MAP2: variants seen among roughly 807,000 people sequenced by gnomAD.
The protein encoded by MAP2 is microtubule-associated protein 2.
MAP2 carries 14 observed loss-of-function variants against 137.6 expected under a neutral mutation model. That is an observed-to-expected ratio of 0.10 (90% CI 0.07 to 0.16). The LOEUF is 0.16. MAP2 is among the 10% of genes least tolerant of loss of function. The pLI, the probability that MAP2 is intolerant of heterozygous loss-of-function variation, is 1.00. For missense variants in MAP2, 2,088 were observed against 2,191.5 expected (o/e 0.95, Z 0.94); for synonymous variants, 786 against 782.3 (o/e 1.00, Z -0.08).
chr2:209,489,787 A>T (rs189449074), intron 1 of MAP2, among the ~76,000 whole-genome samples: 1 of 152,326 alleles, frequency 6.6e-6, no homozygotes. Context: ...GAAATATGGG[A>T]CCATGTGAAA....
chr2:209,604,546 C>T (rs2084022575), intron 3 of MAP2, among the ~76,000 whole-genome samples: 1 of 152,076 alleles, frequency 6.6e-6, no homozygotes, highest in African/African-American at 2.4e-5. Context: ...TTAAATGTAA[C>T]CACCTTGCTT....
Position 209,680,790 on chromosome 2 carries a change from A to C in MAP2, c.417A>C (p.Pro139=). The C allele has an allele frequency of 6.2e-7, 1 of 1,613,586 alleles. No homozygotes were observed. Among genetic ancestry groups the C allele is most frequent in the Non-Finnish European group, 8.5e-7 (1 of 1,179,662 alleles). ...CTAATCTGCCTCCTTCTCCACCCCC[A>C]TCACCTGCCTCAGAACAGACTGTCA... ...ETANLPPSPP[P]SPASEQTVTV... is the part of the protein sequence containing the mutation. The change falls in exon 7 of 16, where the codon CCA becomes CCC. Residue 139 remains proline, a synonymous_variant. Transcript: ENST00000682079.
chr2:209,690,376 T>G (rs904535429), intron 7 of MAP2, among the ~76,000 whole-genome samples: 7 of 152,182 alleles, frequency 4.6e-5, no homozygotes, highest in Non-Finnish European at 8.8e-5. Context: ...TTAATGAGAC[T>G]TTAAAAGTCA....
At chr2:209,678,774 C>A in intron 6 of MAP2, 89 bp downstream of exon 6, 1 of 629,592 alleles carries the variant, frequency 1.6e-6, no homozygotes, top group Non-Finnish European at 2.6e-6. Context: ...TAGGCCATAT[C>A]TTGTACTTCA....
At chr2:209,689,042 A>G (rs1258377492) in intron 7 of MAP2, among the ~76,000 whole-genome samples, 1 of 152,196 alleles carries the variant, frequency 6.6e-6, no homozygotes, top group Non-Finnish European at 1.5e-5. Flanking sequence ...GATTTATACT[A>G]AATGAGAAAA....
chr2:209,455,338 T>A (rs1701292002), intron 1 of MAP2, among the ~76,000 whole-genome samples: 1 of 152,250 alleles, frequency 6.6e-6, no homozygotes, highest in Non-Finnish European at 1.5e-5. Flanking sequence ...ATTTTATTTT[T>A]TGATCTTATT....
chr2:209,638,876 T>A (rs1245178797), intron 4 of MAP2, among the ~76,000 whole-genome samples: 1 of 152,174 alleles, frequency 6.6e-6, no homozygotes, highest in Non-Finnish European at 1.5e-5. Context: ...ATAAACCTGG[T>A]ATTCAATCAA....
intron 4 of MAP2, among the ~76,000 whole-genome samples, chr2:209,631,603 A>G (rs902186956): frequency 2.4e-4 from 36 of 151,936 alleles, no homozygotes; most frequent in East Asian, 1.9e-4. Flanking sequence ...ACAAGGAAAC[A>G]TTTTTCTTAA....
In MAP2 at chr2:209,692,999, G is replaced by C; in HGVS notation, c.829G>C (p.Glu277Gln). The change falls in exon 8 of 16, where the codon GAG becomes CAG. Residue 277 changes from glutamate (E) to glutamine (Q), a missense_variant. Transcript: ENST00000682079. Reference protein sequence around the residue: ...IEMPTEAKKDEWGLVAPISPG... With the variant: ...IEMPTEAKKDQWGLVAPISPG... ...AATGCCAACGGAAGCAAAAAAGGATGAGTGGGGTTTAGTTGCCCCCATATC... is the reference window on the plus strand; with the variant it reads ...AATGCCAACGGAAGCAAAAAAGGATCAGTGGGGTTTAGTTGCCCCCATATC... 1 of 1,613,540 alleles carries C rather than the reference G, an allele frequency of 6.2e-7. No homozygotes were observed. Among genetic ancestry groups the C allele is most frequent in the East Asian group, 2.2e-5 (1 of 44,870 alleles).
chr2:209,705,042 C>T (rs895011457), intron 11 of MAP2, among the ~76,000 whole-genome samples: 4 of 151,980 alleles, frequency 2.6e-5, no homozygotes, highest in African/African-American at 9.6e-5. Flanking sequence ...CTGACACCTA[C>T]CAACTCAATT....
At chr2:209,515,080 C>A (rs2062279939) in intron 2 of MAP2, among the ~76,000 whole-genome samples, 1 of 152,084 alleles carries the variant, frequency 6.6e-6, no homozygotes, top group Non-Finnish European at 1.5e-5. Flanking sequence ...AGGTTTCATT[C>A]CATATTATTC....
At chr2:209,483,496 A>G (rs2057983959) in intron 1 of MAP2, among the ~76,000 whole-genome samples, 1 of 152,160 alleles carries the variant, frequency 6.6e-6, no homozygotes, top group Non-Finnish European at 1.5e-5. Flanking sequence ...ATCCTTTGAG[A>G]CTACTAGTTT....
intron 2 of MAP2, among the ~76,000 whole-genome samples, chr2:209,528,510 T>G: frequency 6.6e-6 from 1 of 152,132 alleles, no homozygotes. Context: ...CTGTCATTTA[T>G]GGGAAAATAT....
intron 4 of MAP2, among the ~76,000 whole-genome samples, chr2:209,648,185 T>A (rs1311890233): frequency 6.6e-6 from 1 of 151,088 alleles, no homozygotes; most frequent in Admixed American, 6.6e-5. Flanking sequence ...CACTGCAACC[T>A]CCGCCTCCCA....
Position 209,695,597 on chromosome 2 carries a change from G to A in MAP2, c.3427G>A (p.Glu1143Lys). 6.2e-7 allele frequency: 1 copy of A among 1,614,002 alleles called. No individual in the cohort carries two copies. Among genetic ancestry groups the A allele is most frequent in the Non-Finnish European group, 8.5e-7 (1 of 1,179,942 alleles). Residue 1143 changes from glutamate (E) to lysine (K), a missense_variant, in exon 8 of 16, where the codon GAG becomes AAG. Coordinates refer to ENST00000682079, the MANE Select transcript of MAP2 (RefSeq NM_001375505.1). Reference protein sequence around the residue: ...SSGEHESLTMESLKADEGKKE... With the variant: ...SSGEHESLTMKSLKADEGKKE... ...TGGTGAGCATGAAAGTCTCACCATG[G>A]AGTCCTTGAAAGCTGATGAGGGCAA...
chr2:209,572,908 G>T (rs1028342537), intron 2 of MAP2, among the ~76,000 whole-genome samples: 7 of 152,118 alleles, frequency 4.6e-5, no homozygotes, highest in Non-Finnish European at 1.0e-4. Context: ...CTGACCAGTT[G>T]TTCTTTATCA....
At chr2:209,491,344 G>C (rs964330458) in intron 1 of MAP2, among the ~76,000 whole-genome samples, 26 of 152,138 alleles carry the variant, frequency 1.7e-4, no homozygotes, top group African/African-American at 6.0e-4. Flanking sequence ...GGACAAAGTG[G>C]GAAAGATCTA....
chr2:209,725,885 A>G (rs1276477493), intron 14 of MAP2, 95 bp downstream of exon 14: 4 of 669,504 alleles, frequency 6.0e-6, no homozygotes, highest in Non-Finnish European at 9.6e-6. Flanking sequence ...CCTAATTGGA[A>G]GGATGTTTTA....
Position 209,660,826 on chromosome 2 carries a change from C to T in MAP2, c.262+7394C>T, listed in dbSNP as rs1441604649. On this transcript the variant is annotated intron_variant, in intron 5 of 15. Coordinates refer to ENST00000682079, the MANE Select transcript of MAP2 (RefSeq NM_001375505.1). ...TCGGCTCACTGCAAGCTCCGCCTCC[C>T]GGATTCACACCCATTCTCCTGCCTC... Among the ~76,000 whole-genome samples the T allele has an allele frequency of 4.0e-5, 6 of 149,640 alleles. No homozygotes were observed. In the Admixed American group the frequency reaches 4.0e-4, roughly 10 times the overall value.
Sources: gnomAD v4.1 joint callset for allele counts (sites outside exome capture counted in the v4.1 genomes callset) on GRCh38, gnomAD v4.1.1 for gene constraint, MANE v1.5 for transcripts, NCBI Gene and HGNC (gene_info 2026-07-23, HGNC 2026-07-21) for gene names.